Variants in FAAP20 observed in about 807,000 individuals in gnomAD.
The protein encoded by FAAP20 is FA core complex associated protein 20, also known as Fanconi anemia core complex-associated protein 20.
In FAAP20, 12 loss-of-function variants were observed where a neutral mutation model predicts 16.2. The ratio of observed to expected loss-of-function variants is 0.74; its 90% CI spans 0.48 to 1.20. The LOEUF is 1.20. Among genes scored for constraint, FAAP20 ranks in the 50% most tolerant of loss-of-function variants. FAAP20 has a pLI of 0.00. For synonymous variants in FAAP20, 141 were observed against 110.7 expected (o/e 1.27, Z -1.72); for missense variants, 288 against 245.8 (o/e 1.17, Z -1.15).
At chr1:2,185,587 T>C (rs2100605003), downstream of FAAP20, 1 of 700,134 alleles carries the variant, frequency 1.4e-6, no homozygotes, top group Non-Finnish European at 2.7e-6. Context: ...TCCTGCAGAG[T>C]GTGTCCCAGC....
At chr1:2,187,263 C>T (rs1010134629), downstream of FAAP20, 1 of 419,586 alleles carries the variant, frequency 2.4e-6, no homozygotes, top group East Asian at 7.5e-5. Flanking sequence ...TTCCAAGAAG[C>T]AAAGGTTTCT....
upstream of FAAP20, chr1:2,198,214 T>C (rs1688900566): frequency 8.1e-7 from 1 of 1,234,464 alleles, no homozygotes; most frequent in African/African-American, 1.6e-5. Context: ...TAAGCCAAAA[T>C]TCATGTTTAC....
upstream of FAAP20, among the ~76,000 whole-genome samples, chr1:2,204,888 C>G (rs1689180731): frequency 9.7e-6 from 1 of 102,734 alleles, no homozygotes; most frequent in South Asian, 2.8e-4. Context: ...CCACGCCCCG[C>G]CCTCAAGCCC....
chr1:2,201,443 G>A (rs913560468), upstream of FAAP20, among the ~76,000 whole-genome samples: 1 of 152,218 alleles, frequency 6.6e-6, no homozygotes, highest in African/African-American at 2.4e-5. Flanking sequence ...CCTGAGGCTG[G>A]GCACGGTGGC....
upstream of FAAP20, chr1:2,200,604 C>A: frequency 9.2e-6 from 9 of 980,412 alleles, no homozygotes; most frequent in Non-Finnish European, 1.1e-5. Flanking sequence ...TGAGAATATA[C>A]ATGTCACTCG....
At chr1:2,211,806 A>T (rs1689455042), downstream of FAAP20, among the ~76,000 whole-genome samples, 1 of 148,034 alleles carries the variant, frequency 6.8e-6, no homozygotes, top group East Asian at 2.0e-4. Flanking sequence ...GCTGGTCTCA[A>T]ACTCCTGACC....
intron 3 of FAAP20, 164 bp downstream of exon 3, chr1:2,193,475 A>C: frequency 7.9e-6 from 9 of 1,144,084 alleles, no homozygotes; most frequent in Non-Finnish European, 1.1e-5. Flanking sequence ...CCCGTGACAG[A>C]GAGCCACCTG....
intron 3 of FAAP20, 113 bp from the exon 4 acceptor site, chr1:2,189,894 G>A: frequency 2.3e-6 from 2 of 868,518 alleles, no homozygotes; most frequent in Admixed American, 3.9e-5. Flanking sequence ...GGATCCGGCT[G>A]GTCAGAAACA....
At chr1:2,188,093 G>C (rs556755938), downstream of FAAP20, among the ~76,000 whole-genome samples, 21 of 152,310 alleles carry the variant, frequency 1.4e-4, no homozygotes, top group African/African-American at 4.8e-4. Context: ...AAATACAGAC[G>C]TCTGGGTGTT....
downstream of FAAP20, chr1:2,207,717 C>T (rs1300812232): frequency 3.3e-5 from 5 of 152,252 alleles, no homozygotes; most frequent in African/African-American, 1.2e-4. Context: ...ACCCTGTGGG[C>T]ACTGACCCCA....
At chr1:2,211,894 C>T (rs1689457539), downstream of FAAP20, among the ~76,000 whole-genome samples, 2 of 131,862 alleles carry the variant, frequency 1.5e-5, no homozygotes, top group Non-Finnish European at 1.5e-5. Flanking sequence ...CGAGAGCAAG[C>T]TGCTGCTTTT....
downstream of FAAP20, among the ~76,000 whole-genome samples, chr1:2,187,802 GCCCAGGGCA>G (rs1168865472): frequency 6.6e-6 from 1 of 152,150 alleles, no homozygotes; most frequent in Non-Finnish European, 1.5e-5. Flanking sequence ...CGCCCAGCTC[GCCCAGGGCA>G]CCGTCAGTCC....
chr1:2,185,084 C>G (rs1300477202), downstream of FAAP20: 1 of 1,395,208 alleles, frequency 7.2e-7, no homozygotes, highest in Non-Finnish European at 9.9e-7. Flanking sequence ...ATATGCATGC[C>G]AGGCTGGGCA....
At chr1:2,198,491 C>A (rs894374171), upstream of FAAP20, 1 of 437,976 alleles carries the variant, frequency 2.3e-6, no homozygotes, top group Non-Finnish European at 3.8e-6. Flanking sequence ...AACAAGTGTC[C>A]CAGCCACTGG....
rs763083010 is a variant in FAAP20, at chr1:2,189,694, G to C, written c.*15C>G. 7 of 1,610,748 alleles carry C rather than the reference G, an allele frequency of 4.3e-6. No homozygotes were observed. The highest frequency in any genetic ancestry group is 5.9e-6 in the Non-Finnish European group (7 of 1,178,322). Reference sequence around the variant, plus strand: ...GTCCGGGCGCCGCACTCTGCGCAGGGCTCTTGGATGGCGCTCACCACGTCA... The same window carrying C: ...GTCCGGGCGCCGCACTCTGCGCAGGCCTCTTGGATGGCGCTCACCACGTCA... On this transcript the variant is annotated 3_prime_UTR_variant, in exon 4 of 4. Coordinates refer to ENST00000378546, the MANE Select transcript of FAAP20 (RefSeq NM_182533.4).
chr1:2,199,513 C>T, upstream of FAAP20: 1 of 986,568 alleles, frequency 1.0e-6, no homozygotes, highest in Non-Finnish European at 1.2e-6. This position sits in a 1 kb window ranked among gnomAD's most constrained non-coding sequence, Gnocchi z 4.5. Flanking sequence ...TGCTCTGTTC[C>T]CTGGGAAGCC....
At chr1:2,197,995 C>T (rs1020228220), upstream of FAAP20, 3 of 1,284,934 alleles carry the variant, frequency 2.3e-6, no homozygotes, top group Non-Finnish European at 3.1e-6. Context: ...TGTTCACCTC[C>T]AACAAACATA....
chr1:2,185,682 A>G (rs935043734), downstream of FAAP20, among the ~76,000 whole-genome samples: 2 of 152,238 alleles, frequency 1.3e-5, no homozygotes, highest in African/African-American at 4.8e-5. Flanking sequence ...AAATTGGATC[A>G]TAGAGATTCT....
At position 2,194,758 on chromosome 1, in the gene FAAP20, G is replaced by C. The variant is rs1326236772; in HGVS notation, c.-9C>G. On this transcript the variant is annotated 5_prime_UTR_variant, in exon 1 of 4. Coordinates refer to ENST00000378546, the MANE Select transcript of FAAP20 (RefSeq NM_182533.4). ...CTCCGCGCCGCCTCCATCCAAGCCCGCGCCGGGCGGAAGTGAGCGCAAGCC... is the reference window on the plus strand; with the variant it reads ...CTCCGCGCCGCCTCCATCCAAGCCCCCGCCGGGCGGAAGTGAGCGCAAGCC... 12 of 1,177,676 alleles carry C rather than the reference G, an allele frequency of 1.0e-5. No homozygotes were observed. Among genetic ancestry groups the C allele is most frequent in the Middle Eastern group, 3.4e-4 (1 of 2,956 alleles). 73.0% of individuals were successfully genotyped at this position (1,177,676 alleles called of 1,614,324 possible).
Sources: gnomAD v4.1 joint callset for allele counts (sites outside exome capture counted in the v4.1 genomes callset) on GRCh38, gnomAD v4.1.1 for gene constraint, Gnocchi (gnomAD v3.1) non-coding constraint, MANE v1.5 for transcripts, NCBI Gene and HGNC (gene_info 2026-07-23, HGNC 2026-07-21) for gene names.